The following AGO1 variants were observed in gnomAD, a reference collection of about 807,000 sequenced individuals.
The protein encoded by AGO1 is argonaute RISC component 1, also known as protein argonaute-1.
AGO1 carries 11 observed loss-of-function variants against 109.2 expected under a neutral mutation model. The observed-to-expected ratio is 0.10, with a 90% CI of 0.06 to 0.17. The LOEUF (loss-of-function observed/expected upper bound fraction) is 0.17, where lower values mean the gene tolerates loss of function less well. Among genes scored for constraint, AGO1 ranks in the 10% least tolerant of loss-of-function variants. The pLI, the probability that AGO1 is intolerant of heterozygous loss-of-function variation, is 1.00. For missense variants in AGO1, 574 were observed against 1,140.3 expected (o/e 0.50, Z 7.15); for synonymous variants, 422 against 418.6 (o/e 1.01, Z -0.10).
rs1286114716 is a variant in AGO1, at chr1:35,888,861, T to A, written c.209+251T>A. ...AGCTAGTTAATCTAACTACATTGAG[T>A]TAAGAAATAAGTACAGTACCTACTA... On this transcript the variant is annotated intron_variant, in intron 2 of 18. Transcript: ENST00000373204. This position sits in a 1 kb window ranked among gnomAD's most constrained non-coding sequence, Gnocchi z 4.1. Among the ~76,000 whole-genome samples, 1 of 152,226 alleles carries A rather than the reference T, an allele frequency of 6.6e-6. No homozygotes were observed. Among genetic ancestry groups the A allele is most frequent in the Non-Finnish European group, 1.5e-5 (1 of 68,048 alleles).
intron 8 of AGO1, among the ~76,000 whole-genome samples, chr1:35,898,132 T>C (rs1645350729): frequency 6.6e-6 from 1 of 152,254 alleles, no homozygotes; most frequent in Non-Finnish European, 1.5e-5. Context: ...TTGGATTGTT[T>C]CTACTTTTTG....
chr1:35,887,743 C>T (rs1159542306), intron 1 of AGO1, among the ~76,000 whole-genome samples: 11 of 152,142 alleles, frequency 7.2e-5, no homozygotes, highest in Non-Finnish European at 1.5e-4. Context: ...TTGCCCCACC[C>T]CTTGACTCCA....
In AGO1 at chr1:35,893,303, G is replaced by C. The variant is rs1645255309; in HGVS notation, c.512+25G>C. The C allele has an allele frequency of 6.2e-7, 1 of 1,601,762 alleles. No homozygotes were observed. The highest frequency in any genetic ancestry group is 1.3e-5 in the African/African-American group (1 of 74,744). ...GGTATTGGGTGTAGTTAGTATCTGGGCTACTAGTGTTGGCAGAACTGCTGT... is the reference window on the plus strand; with the variant it reads ...GGTATTGGGTGTAGTTAGTATCTGGCCTACTAGTGTTGGCAGAACTGCTGT... On this transcript the variant is annotated intron_variant, in intron 4 of 18. Coordinates refer to ENST00000373204, the MANE Select transcript of AGO1 (RefSeq NM_012199.5). This position sits in a 1 kb window ranked among gnomAD's most constrained non-coding sequence, Gnocchi z 5.6.
intron 2 of AGO1, among the ~76,000 whole-genome samples, chr1:35,889,945 C>A (rs995659310): frequency 6.6e-6 from 1 of 152,018 alleles, no homozygotes; most frequent in African/African-American, 2.4e-5. Flanking sequence ...AAACTCCTAA[C>A]CTCAGATGAT....
intron 2 of AGO1, among the ~76,000 whole-genome samples, chr1:35,890,735 G>A (rs147387852): frequency 6.6e-4 from 101 of 152,248 alleles, no homozygotes; most frequent in Admixed American, 5.7e-3. Flanking sequence ...TTAAAGGTAA[G>A]TTGTATCAAC....
At chr1:35,906,362 A>G (rs1311863055) in intron 11 of AGO1, among the ~76,000 whole-genome samples, 1 of 152,192 alleles carries the variant, frequency 6.6e-6, no homozygotes, top group East Asian at 1.9e-4. Context: ...TGAGCGGGGC[A>G]AGGTGGGAAC....
chr1:35,887,441 A>G (rs980838059), intron 1 of AGO1, among the ~76,000 whole-genome samples: 4 of 152,158 alleles, frequency 2.6e-5, no homozygotes, highest in Non-Finnish European at 5.9e-5. Context: ...GACTGGCAAA[A>G]GAGGGTAAAG....
At chr1:35,873,521 A>G (rs1018414395) in intron 1 of AGO1, 1 of 152,924 alleles carries the variant, frequency 6.5e-6, no homozygotes, top group Non-Finnish European at 1.5e-5. Flanking sequence ...TTTCATAGCT[A>G]TAAGCTTTTT....
chr1:35,882,454 A>G (rs1645046901), upstream of AGO1, among the ~76,000 whole-genome samples: 1 of 152,192 alleles, frequency 6.6e-6, no homozygotes, highest in Non-Finnish European at 1.5e-5. This position sits in a 1 kb window ranked among gnomAD's most constrained non-coding sequence, Gnocchi z 5.1. Flanking sequence ...CTCAGAAGGG[A>G]AGTAGAGGCA....
At chr1:35,914,644 A>G (rs987294577) in intron 14 of AGO1, among the ~76,000 whole-genome samples, 1 of 151,864 alleles carries the variant, frequency 6.6e-6, no homozygotes, top group Admixed American at 6.6e-5. Flanking sequence ...GCCCATCCTC[A>G]CCCCGATCTG....
chr1:35,907,422 C>T (rs1194333550), intron 12 of AGO1, among the ~76,000 whole-genome samples: 2 of 151,932 alleles, frequency 1.3e-5, no homozygotes, highest in East Asian at 1.9e-4. Flanking sequence ...CTTAGGAGTG[C>T]GTTCCTGTCC....
At chr1:35,891,885 G>GT (rs369822869) in intron 2 of AGO1, among the ~76,000 whole-genome samples, 194 of 144,332 alleles carry the variant, frequency 1.3e-3, no homozygotes, top group Middle Eastern at 6.9e-3. Flanking sequence ...TTTGTTTTTT[G>GT]TTTTTTTTTT....
At chr1:35,892,863 A>G (rs1169647248) in intron 3 of AGO1, among the ~76,000 whole-genome samples, 186 bp downstream of exon 3, 2 of 152,190 alleles carry the variant, frequency 1.3e-5, no homozygotes, top group East Asian at 3.9e-4. Context: ...TCCTAAACAG[A>G]TTGAGATTAG....
intron 17 of AGO1, among the ~76,000 whole-genome samples, chr1:35,918,721 A>C (rs541086171): frequency 6.6e-6 from 1 of 152,100 alleles, no homozygotes; most frequent in African/African-American, 2.4e-5. Context: ...ATGCCCAGCT[A>C]ATTTTTGTAT....
rs998758461 is a variant in AGO1, at chr1:35,923,174, C to T, written c.*3567C>T. 1 of 152,094 alleles carries T rather than the reference C, an allele frequency of 6.6e-6. No homozygotes were observed. Among genetic ancestry groups the T allele is most frequent in the Admixed American group, 6.5e-5 (1 of 15,278 alleles). 9.4% of individuals were successfully genotyped at this position (152,094 alleles called of 1,614,324 possible). A position where few individuals can be genotyped will look rare whatever the true frequency, so the allele number is the denominator to read the frequency against. On this transcript the variant is annotated 3_prime_UTR_variant, in exon 19 of 19. Coordinates refer to ENST00000373204, the MANE Select transcript of AGO1 (RefSeq NM_012199.5). ...TGGGAACTTAGGCTTAACATAAAGC[C>T]GAAGAAGGTACCTAGAAATTTGAAA... is the stretch of plus-strand genomic sequence containing the variant.
chr1:35,885,233 C>T (rs1488904118), intron 1 of AGO1, among the ~76,000 whole-genome samples: 3 of 152,144 alleles, frequency 2.0e-5, no homozygotes, highest in African/African-American at 4.8e-5. Context: ...AACCCATGAA[C>T]TAGAGTAGTG....
In AGO1 at chr1:35,915,677, G is replaced by T. The variant is rs191078404; in HGVS notation, c.2028+135G>T. The stretch of plus-strand genomic sequence containing the variant: ...TTTGCTAAATGGAGTAGACTTGGGG[G>T]CAAGGATCGCAACTGAGGGATGGAG... On this transcript the variant is annotated intron_variant, in intron 15 of 18. Transcript: ENST00000373204. The T allele has an allele frequency of 4.6e-3, 3,716 of 799,828 alleles. 10 individuals are homozygous for T. The highest frequency in any genetic ancestry group is 0.025 in the Middle Eastern group (70 of 2,766). 49.5% of individuals were successfully genotyped at this position (799,828 alleles called of 1,614,324 possible).
intron 1 of AGO1, among the ~76,000 whole-genome samples, chr1:35,886,728 G>C (rs1207896557): frequency 6.6e-6 from 1 of 152,126 alleles, no homozygotes; most frequent in African/African-American, 2.4e-5. Context: ...GGCAATTGCA[G>C]GTGTTCGTGT....
intron 1 of AGO1, among the ~76,000 whole-genome samples, chr1:35,874,842 G>C (rs1644980352): frequency 6.6e-6 from 1 of 152,078 alleles, no homozygotes; most frequent in South Asian, 2.1e-4. Context: ...TATGGAGAAA[G>C]TTTTAGTGAT....
Sources: allele counts gnomAD v4.1 joint callset (sites outside exome capture counted in the v4.1 genomes callset), GRCh38; gene constraint gnomAD v4.1.1; non-coding constraint Gnocchi (gnomAD v3.1); transcripts MANE v1.5; gene names NCBI Gene and HGNC (gene_info 2026-07-23, HGNC 2026-07-21).